PCGF3: variants seen among roughly 807,000 people sequenced by gnomAD.
PCGF3 encodes the protein polycomb group RING finger protein 3.
In PCGF3, 7 loss-of-function variants were observed where a neutral mutation model predicts 33.1. That is an observed-to-expected ratio of 0.21 (90% CI 0.12 to 0.40). The LOEUF (loss-of-function observed/expected upper bound fraction) is 0.40, where lower values mean the gene tolerates loss of function less well. Among genes scored for constraint, PCGF3 ranks in the 10% least tolerant of loss-of-function variants. PCGF3 has a pLI of 1.00. For missense variants in PCGF3, 211 were observed against 313.3 expected, an observed-to-expected ratio of 0.67 and a Z score of 2.46; for synonymous variants, 153 against 121.3, an observed-to-expected ratio of 1.26 and a Z score of -1.72.
chr4:756,891 G>A (rs1744793914), intron 8 of PCGF3: 1 of 152,152 alleles, frequency 6.6e-6, no homozygotes, highest in Admixed American at 6.5e-5. Context: ...GAAAGTCTGT[G>A]AATTTACGGA....
Position 727,983 on chromosome 4 carries a change from AT to A in PCGF3, c.-189-2645del, listed in dbSNP as rs531351104. On this transcript the variant is annotated intron_variant, in intron 1 of 10. Coordinates refer to ENST00000362003, the Ensembl canonical transcript of PCGF3. ...CTGTCTTGGAAGGGACTTTCTGACC[AT>A]TGACCTGGCTCCCTGTAGGTTCTGG... is the stretch of plus-strand genomic sequence containing the variant. 9.2e-5 allele frequency among the ~76,000 whole-genome samples: 14 copies of A among 152,340 alleles called. No homozygotes were observed. The South Asian group carries it at 2.9e-3, about 32-fold the overall frequency.
At chr4:735,725 C>T (rs1743795984) in intron 5 of PCGF3, among the ~76,000 whole-genome samples, 1 of 152,212 alleles carries the variant, frequency 6.6e-6, no homozygotes, top group Admixed American at 6.5e-5. Context: ...CCCTGCTGCC[C>T]CTGACACATG....
chr4:725,939 G>A (rs1044457407), intron 1 of PCGF3, among the ~76,000 whole-genome samples: 1 of 152,084 alleles, frequency 6.6e-6, no homozygotes. Flanking sequence ...GCCACTCTCC[G>A]CCAGGCTCTC....
At chr4:706,385 A>C (rs1196140634) in intron 1 of PCGF3, among the ~76,000 whole-genome samples, 36 of 126,068 alleles carry the variant, frequency 2.9e-4, no homozygotes, top group East Asian at 8.6e-4. Context: ...TCCAGGCAGG[A>C]CGCAGGGAGG....
chr4:750,404 T>G (rs559439893), intron 8 of PCGF3, among the ~76,000 whole-genome samples: 1 of 152,160 alleles, frequency 6.6e-6, no homozygotes, highest in Admixed American at 6.5e-5. Flanking sequence ...TTTCCAGGGG[T>G]CCTGGGGTGA....
In PCGF3 at chr4:763,106, G is replaced by A. The variant is rs534075601; in HGVS notation, c.600+1690G>A. On this transcript the variant is annotated intron_variant, in intron 9 of 10. Coordinates refer to ENST00000362003, the Ensembl canonical transcript of PCGF3. ...TGGGGAGACTCACTGAGCACGGGCT[G>A]CCTGGAGATCATGGAGAAACCAAGT... Among the ~76,000 whole-genome samples the A allele has an allele frequency of 1.4e-4, 22 of 152,218 alleles. No homozygotes were observed. The East Asian group carries it at 3.7e-3, about 25-fold the overall frequency.
intron 6 of PCGF3, among the ~76,000 whole-genome samples, chr4:740,720 A>C (rs1224334643): frequency 6.6e-6 from 1 of 152,226 alleles, no homozygotes; most frequent in Non-Finnish European, 1.5e-5. Flanking sequence ...GAAAAAATCA[A>C]AAGCAGCGTA....
chr4:758,261 C>A (rs936872394), intron 8 of PCGF3, among the ~76,000 whole-genome samples: 1 of 152,064 alleles, frequency 6.6e-6, no homozygotes, highest in African/African-American at 2.4e-5. Flanking sequence ...CACCGGGCAC[C>A]CCCTTTCTCC....
chr4:734,256 G>A, intron 4 of PCGF3: 1 of 1,478,566 alleles, frequency 6.8e-7, no homozygotes, highest in Non-Finnish European at 9.0e-7. Context: ...GGCTACCGCT[G>A]ACGGGCAGGT....
chr4:706,755 A>C (rs1742324417), intron 1 of PCGF3, among the ~76,000 whole-genome samples: 1 of 126,914 alleles, frequency 7.9e-6, no homozygotes, highest in Non-Finnish European at 1.7e-5. Flanking sequence ...GGACCCAGGG[A>C]GGGCGAAGAC....
chr4:734,248 C>T (rs1191859268), intron 4 of PCGF3: 2 of 1,485,754 alleles, frequency 1.3e-6, no homozygotes, highest in Admixed American at 4.5e-5. Flanking sequence ...CTAAGTGTGG[C>T]TACCGCTGAC....
rs1011506447 is a variant in PCGF3, at chr4:731,128, C to T, written c.-10+18C>T. On this transcript the variant is annotated intron_variant, in intron 3 of 10. Coordinates refer to ENST00000362003, the Ensembl canonical transcript of PCGF3. ...TAGCGGAGGTGAGGCCCACGCCCCC[C>T]GACCCCGGGGGTCCTGCTGACTCCT... The T allele has an allele frequency of 2.5e-5, 10 of 398,578 alleles. No homozygotes were observed. Among genetic ancestry groups the T allele is most frequent in the South Asian group, 2.5e-4 (2 of 7,864 alleles). 24.7% of individuals were successfully genotyped at this position (398,578 alleles called of 1,614,324 possible). A position where few individuals can be genotyped will look rare whatever the true frequency, so the allele number is the denominator to read the frequency against.
chr4:763,734 C>T (rs534361815), intron 9 of PCGF3, among the ~76,000 whole-genome samples: 1 of 152,312 alleles, frequency 6.6e-6, no homozygotes, highest in African/African-American at 2.4e-5. Context: ...AAATCTCCTG[C>T]CCACACAAAA....
At chr4:732,644 T>TG (rs1355656808) in intron 3 of PCGF3, 2 of 151,748 alleles carry the variant, frequency 1.3e-5, no homozygotes, top group African/African-American at 2.4e-5. Context: ...GCAGGCGATG[T>TG]GGGGCTCAGC....
At chr4:707,052 A>C (rs916292479) in intron 1 of PCGF3, among the ~76,000 whole-genome samples, 2 of 152,180 alleles carry the variant, frequency 1.3e-5, no homozygotes, top group Admixed American at 6.5e-5. Flanking sequence ...CAGACCAGGC[A>C]GGACCTGAAG....
chr4:737,572 C>T lies in PCGF3; in HGVS notation c.262+51C>T, dbSNP rs749316167. On this transcript the variant is annotated intron_variant, in intron 6 of 10. Coordinates refer to ENST00000362003, the Ensembl canonical transcript of PCGF3. ...CCCTGAGGTCCCAGCCTGGCCTCTG[C>T]AGCCCCTGCTCTCCTGGAAGTTTGG... The T allele has an allele frequency of 3.3e-5, 38 of 1,155,158 alleles. 1 individual carries two copies. The South Asian group carries it at 4.6e-4, about 14-fold the overall frequency. The allele number at this position is 1,155,158 out of a possible 1,614,324, so 71.6% of individuals were successfully genotyped here. A position where few individuals can be genotyped will look rare whatever the true frequency, so the allele number is the denominator to read the frequency against.
chr4:761,242 C>A (rs371206017), intron 8 of PCGF3, 37 bp from the exon 9 acceptor site: 20 of 1,517,380 alleles, frequency 1.3e-5, no homozygotes, highest in Admixed American at 9.0e-5. Context: ...CCGGGGGAAC[C>A]CTCCTGCTGC....
At chr4:726,783 C>G (rs1743349771) in intron 1 of PCGF3, among the ~76,000 whole-genome samples, 1 of 151,596 alleles carries the variant, frequency 6.6e-6, no homozygotes, top group Non-Finnish European at 1.5e-5. Context: ...GTTTTTAATT[C>G]TAAGATACAC....
At chr4:735,016 G>A (rs776805566) in exon 5 of PCGF3, 3 of 1,612,434 alleles carry the variant, frequency 1.9e-6, no homozygotes, top group Non-Finnish European at 8.5e-7. Context: ...GCCACCCCCT[G>A]CAGTACATCG....
Sources: gnomAD v4.1 joint callset for allele counts (sites outside exome capture counted in the v4.1 genomes callset) on GRCh38, gnomAD v4.1.1 for gene constraint, MANE v1.5 for transcripts, NCBI Gene and HGNC (gene_info 2026-07-23, HGNC 2026-07-21) for gene names.